Variants in CIMIP2C observed in about 807,000 individuals in gnomAD.
CIMIP2C encodes ciliary microtubule inner protein 2C.
the CIMIP2C span, among the ~76,000 whole-genome samples, chr2:26,569,841 C>T: frequency 2.0e-5 from 3 of 152,282 alleles, no homozygotes; most frequent in East Asian, 1.9e-4. Flanking sequence ...TGCTGCCACT[C>T]GATGCCCTGT....
At chr2:26,566,593 C>T in the CIMIP2C span, among the ~76,000 whole-genome samples, 1 of 152,242 alleles carries the variant, frequency 6.6e-6, no homozygotes, top group Non-Finnish European at 1.5e-5. Flanking sequence ...GGATGCACAG[C>T]TGTGCACCAT....
the CIMIP2C span, chr2:26,562,780 G>C: frequency 3.6e-6 from 4 of 1,125,058 alleles, no homozygotes; most frequent in Non-Finnish European, 5.2e-6. Context: ...CTTTGGGGTT[G>C]AAGGAACCCC....
chr2:26,577,606 C>CG, the CIMIP2C span: 9 of 1,613,846 alleles, frequency 5.6e-6, no homozygotes, highest in Non-Finnish European at 6.8e-6. Flanking sequence ...GGAGCCGGAA[C>CG]GGTACCCCCT....
the CIMIP2C span, chr2:26,562,988 G>C: frequency 2.3e-6 from 1 of 435,888 alleles, no homozygotes. Context: ...AGGAGATGGA[G>C]CCACGTGGGG....
At chr2:26,576,446 G>A in the CIMIP2C span, among the ~76,000 whole-genome samples, 1 of 152,142 alleles carries the variant, frequency 6.6e-6, no homozygotes, top group Admixed American at 6.5e-5. Flanking sequence ...TGGAGCTAGG[G>A]GTCTCTAGGG....
the CIMIP2C span, among the ~76,000 whole-genome samples, chr2:26,565,059 T>TCTTCCC: frequency 0.01 from 1,475 of 143,248 alleles, 31 homozygotes; most frequent in Admixed American, 0.032. Flanking sequence ...TTCTCCTTCT[T>TCTTCCC]CTTCCCCTTC....
At chr2:26,577,748 C>G in the CIMIP2C span, 4 of 729,952 alleles carry the variant, frequency 5.5e-6, no homozygotes, top group Admixed American at 2.6e-5. Flanking sequence ...TGCCCTAAAA[C>G]GTGCAGTGCA....
At chr2:26,562,728 G>A in the CIMIP2C span, 25 of 1,517,456 alleles carry the variant, frequency 1.6e-5, 1 homozygote, top group South Asian at 3.0e-4. Context: ...CCTTCCACTA[G>A]CGCCCTCCTC....
chr2:26,562,608 C>G, the CIMIP2C span: 2 of 1,574,736 alleles, frequency 1.3e-6, no homozygotes, highest in Non-Finnish European at 1.7e-6. Context: ...ACTCGCGCAC[C>G]CACCATGGCC....
At chr2:26,577,750 T>G in the CIMIP2C span, 12 of 718,488 alleles carry the variant, frequency 1.7e-5, no homozygotes, top group Non-Finnish European at 2.6e-5. Context: ...CCCTAAAACG[T>G]GCAGTGCAGA....
At chr2:26,579,347 A>G in the CIMIP2C span, 3 of 1,614,028 alleles carry the variant, frequency 1.9e-6, no homozygotes, top group Non-Finnish European at 1.7e-6. Context: ...GCCCCCGAGA[A>G]CCTGAAGACC....
chr2:26,575,669 A>G, the CIMIP2C span, among the ~76,000 whole-genome samples: 1 of 152,090 alleles, frequency 6.6e-6, no homozygotes, highest in Non-Finnish European at 1.5e-5. Context: ...TCTGCCCTTC[A>G]TCTTTTTTTT....
At chr2:26,568,752 A>T in the CIMIP2C span, among the ~76,000 whole-genome samples, 2 of 152,182 alleles carry the variant, frequency 1.3e-5, no homozygotes. Context: ...AACTGAGGCC[A>T]GGTGCGGTGG....
chr2:26,573,745 G>A, the CIMIP2C span, among the ~76,000 whole-genome samples: 16 of 152,322 alleles, frequency 1.1e-4, no homozygotes, highest in Non-Finnish European at 2.1e-4. Context: ...CAAGGGCGGC[G>A]CCTCTGTGGC....
At chr2:26,562,697 G>C in the CIMIP2C span, 1 of 1,561,036 alleles carries the variant, frequency 6.4e-7, no homozygotes, top group Non-Finnish European at 8.7e-7. Flanking sequence ...GTAAGGCCGA[G>C]GGAGCGCCTC....
the CIMIP2C span, among the ~76,000 whole-genome samples, chr2:26,564,645 C>T: frequency 6.6e-6 from 1 of 152,220 alleles, no homozygotes; most frequent in East Asian, 1.9e-4. Context: ...ATTCTGTTAA[C>T]TTAATGAAAG....
chr2:26,576,729 C>A, the CIMIP2C span, among the ~76,000 whole-genome samples: 2 of 152,196 alleles, frequency 1.3e-5, no homozygotes, highest in African/African-American at 4.8e-5. Context: ...CGAGACTGCC[C>A]TGCAGGGAGT....
At chr2:26,565,125 T>C in the CIMIP2C span, among the ~76,000 whole-genome samples, 25 of 148,110 alleles carry the variant, frequency 1.7e-4, no homozygotes, top group Non-Finnish European at 3.3e-4. Context: ...AGTCTTGCTC[T>C]GTTGCCCAGG....
the CIMIP2C span, among the ~76,000 whole-genome samples, chr2:26,569,507 T>C: frequency 1.3e-5 from 2 of 152,156 alleles, no homozygotes; most frequent in Non-Finnish European, 2.9e-5. Flanking sequence ...AGAGGATGCA[T>C]TGTGGAATGT....
Sources: allele counts gnomAD v4.1 joint callset (sites outside exome capture counted in the v4.1 genomes callset), GRCh38; gene constraint gnomAD v4.1.1; transcripts MANE v1.5; gene names NCBI Gene and HGNC (gene_info 2026-07-23, HGNC 2026-07-21).